The following NFATC2IP variants were observed in gnomAD, a reference collection of about 807,000 sequenced individuals.
NFATC2IP encodes the protein nuclear factor of activated T cells 2 interacting protein.
NFATC2IP carries 25 observed loss-of-function variants against 40.2 expected under a neutral mutation model. That is an observed-to-expected ratio of 0.62 (90% CI 0.45 to 0.87). The LOEUF is 0.87. Ranked by LOEUF, NFATC2IP falls within the 40% of genes least tolerant of loss-of-function variation. The probability of loss-of-function intolerance (pLI) is 0.00; values close to 1 mark genes in which losing one functional copy is unlikely to be tolerated. For synonymous variants in NFATC2IP, 241 were observed against 236.3 expected (o/e 1.02, Z -0.18); for missense variants, 553 against 555.6 (o/e 1.00, Z 0.05).
At chr16:28,952,245 T>C (rs536201085) in intron 2 of NFATC2IP, 41 bp downstream of exon 2, 2 of 1,612,248 alleles carry the variant, frequency 1.2e-6, no homozygotes, top group Admixed American at 1.7e-5. Flanking sequence ...AGCCGCTGGC[T>C]TCTCTTAAGA....
intron 2 of NFATC2IP, 49 bp downstream of exon 2, chr16:28,952,253 A>T (rs774699468): frequency 1.2e-6 from 2 of 1,611,190 alleles, no homozygotes; most frequent in Non-Finnish European, 1.7e-6. Context: ...GCTTCTCTTA[A>T]GAGAATTCCT....
At chr16:28,958,573 A>C in intron 5 of NFATC2IP, 144 bp from the exon 6 acceptor site, 1 of 712,646 alleles carries the variant, frequency 1.4e-6, no homozygotes, top group East Asian at 2.5e-5. Context: ...ATTTTATTCT[A>C]TACCTTGCCA....
chr16:28,952,021 G>A (rs1964971965), intron 1 of NFATC2IP, 111 bp from the exon 2 acceptor site: 4 of 1,464,844 alleles, frequency 2.7e-6, no homozygotes, highest in African/African-American at 1.4e-5. Context: ...AGGTGTCCAC[G>A]ATCTTAGGGA....
chr16:28,956,512 C>A, intron 5 of NFATC2IP, 175 bp downstream of exon 5: 1 of 588,538 alleles, frequency 1.7e-6, no homozygotes, highest in South Asian at 2.1e-5. Context: ...TTTCCTCTGT[C>A]TGCATTTTCC....
intron 6 of NFATC2IP, 44 bp downstream of exon 6, chr16:28,958,905 G>C: frequency 6.2e-7 from 1 of 1,611,526 alleles, no homozygotes; most frequent in Non-Finnish European, 8.5e-7. Flanking sequence ...CATTTGCCAG[G>C]GGAAGGGGAT....
At chr16:28,951,834 G>C (rs1964970487) in intron 1 of NFATC2IP, among the ~76,000 whole-genome samples, 1 of 152,102 alleles carries the variant, frequency 6.6e-6, no homozygotes, top group African/African-American at 2.4e-5. Context: ...ATGGTCGTGT[G>C]AGCAATGGGC....
chr16:28,964,807 C>T lies in NFATC2IP; in HGVS notation c.*944C>T, dbSNP rs1021331677. The T allele has an allele frequency of 6.6e-6, 1 of 152,246 alleles. No individual in the cohort carries two copies. The allele number at this position is 152,246 out of a possible 1,614,324, so 9.4% of individuals were successfully genotyped here. A position where few individuals can be genotyped will look rare whatever the true frequency, so the allele number is the denominator to read the frequency against. On this transcript the variant is annotated 3_prime_UTR_variant, in exon 8 of 8. Transcript: ENST00000320805. ...AGAAATGCAGTATTGCTTTGACCTG[C>T]CATGTGGCACTCCACAATGTCAATT...
intron 7 of NFATC2IP, among the ~76,000 whole-genome samples, chr16:28,959,390 A>T (rs774181518): frequency 2.0e-4 from 30 of 152,004 alleles, no homozygotes; most frequent in Non-Finnish European, 4.4e-4. Context: ...AACCCATCAA[A>T]ATAACAATGA....
chr16:28,958,820 C>T lies in NFATC2IP; in HGVS notation c.950C>T (p.Ala317Val), dbSNP rs775825554. ...GGAGAGACAGAGCTATCACCTACTG[C>T]CACTCCCAGGACCCTAAAGCTCGGA... is the stretch of plus-strand genomic sequence containing the variant. ...LFGETELSPT[A>V]TPRTLKLGVA... Residue 317 changes from alanine (A) to valine (V), a missense_variant, in exon 6 of 8, where the codon GCC becomes GTC. Ala to Val is a moderately conservative substitution (Grantham distance 64). Coordinates refer to ENST00000320805, the MANE Select transcript of NFATC2IP (RefSeq NM_032815.4). 7.4e-6 allele frequency: 12 copies of T among 1,613,970 alleles called. No individual in the cohort carries two copies. The South Asian group carries it at 1.3e-4, about 18-fold the overall frequency.
intron 6 of NFATC2IP, 41 bp from the exon 7 acceptor site, chr16:28,958,950 G>T: frequency 1.2e-6 from 2 of 1,605,538 alleles, no homozygotes; most frequent in Non-Finnish European, 1.7e-6. Flanking sequence ...CTGCTTCCAA[G>T]CCCCCACTTA....
rs1479880386 is a variant in NFATC2IP at position 28,964,836 on chromosome 16, G to C, written c.*973G>C. 1 of 152,242 alleles carries C rather than the reference G, an allele frequency of 6.6e-6. No individual in the cohort carries two copies. The highest frequency in any genetic ancestry group is 1.5e-5 in the Non-Finnish European group (1 of 68,046). 9.4% of individuals were successfully genotyped at this position (152,242 alleles called of 1,614,324 possible). A position where few individuals can be genotyped will look rare whatever the true frequency, so the allele number is the denominator to read the frequency against. On this transcript the variant is annotated 3_prime_UTR_variant, in exon 8 of 8. Transcript: ENST00000320805. Reference sequence around the variant, plus strand: ...GTGGCACTCCACAATGTCAATTGCAGTTTACACACATTGCCTAAAGTGGGG... The same window carrying C: ...GTGGCACTCCACAATGTCAATTGCACTTTACACACATTGCCTAAAGTGGGG...
rs748913880 is a variant in NFATC2IP at position 28,956,358 on chromosome 16, G to A, written c.846+21G>A. On this transcript the variant is annotated intron_variant, in intron 5 of 7. Transcript: ENST00000320805. ...GGATGGTGAGTGCCTGAGGCCCATG[G>A]GAGAAGGACCCAGGAGCTGCTTCTG... 75 of 1,601,422 alleles carry A rather than the reference G, an allele frequency of 4.7e-5. 1 individual carries two copies. In the Admixed American group the frequency reaches 1.3e-3, roughly 27 times the overall value.
In NFATC2IP at chr16:28,951,022, C is replaced by G. The variant is rs552799873; in HGVS notation, c.11C>G (p.Pro4Arg). The G allele has an allele frequency of 2.0e-6, 3 of 1,522,354 alleles. No individual in the cohort carries two copies. Among genetic ancestry groups the G allele is most frequent in the Non-Finnish European group, 1.8e-6 (2 of 1,138,240 alleles). 94.3% of individuals were successfully genotyped at this position (1,522,354 alleles called of 1,614,324 possible). Residue 4 changes from proline to arginine, a missense_variant, in exon 1 of 8, where the codon CCT becomes CGT. Coordinates refer to ENST00000320805, the MANE Select transcript of NFATC2IP (RefSeq NM_032815.4). MAE[P>R]VGKRGRWSGG... ...GGAGGAAAGTGTGCCATGGCGGAGC[C>G]TGTGGGGAAGCGGGGCCGCTGGTCC...
intron 3 of NFATC2IP, among the ~76,000 whole-genome samples, chr16:28,954,941 AGCTTCCCTGTCCTCTCTGT>A (rs1039550709): frequency 6.6e-6 from 1 of 152,122 alleles, no homozygotes; most frequent in Non-Finnish European, 1.5e-5. Context: ...GTTCCAATCC[AGCTTCCCTGTCCTCTCTGT>A]GCTTCTCTTT....
At chr16:28,961,128 G>C (rs2141647463) in intron 7 of NFATC2IP, among the ~76,000 whole-genome samples, 1 of 151,982 alleles carries the variant, frequency 6.6e-6, no homozygotes, top group South Asian at 2.1e-4. Context: ...AGGAGTTCAA[G>C]ACCAGCCCGG....
chr16:28,962,517 C>T (rs1280250010), intron 7 of NFATC2IP, among the ~76,000 whole-genome samples: 2 of 152,154 alleles, frequency 1.3e-5, no homozygotes, highest in Non-Finnish European at 2.9e-5. Flanking sequence ...CTCCCTCCTT[C>T]TTGGAGGTTG....
intron 2 of NFATC2IP, 24 bp downstream of exon 2, chr16:28,952,228 G>A (rs778710508): frequency 6.2e-7 from 1 of 1,613,002 alleles, no homozygotes; most frequent in Non-Finnish European, 8.5e-7. Context: ...TCCAGGGAGA[G>A]GCACGCAGCC....
At chr16:28,959,640 T>A (rs1219276389) in intron 7 of NFATC2IP, among the ~76,000 whole-genome samples, 1 of 150,630 alleles carries the variant, frequency 6.6e-6, no homozygotes, top group East Asian at 2.0e-4. Context: ...TGGCATGATC[T>A]TGGCTCACTG....
Position 28,958,719 on chromosome 16 carries a change from G to C in NFATC2IP, c.849G>C (p.Ser283=). Residue 283 remains serine (S), a splice_region_variant and synonymous_variant, in exon 6 of 8, where the codon TCG becomes TCC. Transcript: ENST00000320805. ...ADLVRLPLRM[S]EPLQSVVDHM... is the part of the protein sequence containing the mutation. ...TTGCTTGTTGTCCCCATCCCTAGTC[G>C]GAGCCCCTGCAGAGTGTGGTGGACC... 6.2e-7 allele frequency: 1 copy of C among 1,608,214 alleles called. No homozygotes were observed. The highest frequency in any genetic ancestry group is 1.1e-5 in the South Asian group (1 of 90,282).
Sources: allele counts gnomAD v4.1 joint callset (sites outside exome capture counted in the v4.1 genomes callset), GRCh38; gene constraint gnomAD v4.1.1; transcripts MANE v1.5; gene names NCBI Gene and HGNC (gene_info 2026-07-23, HGNC 2026-07-21).